Variants in COIL observed in about 807,000 individuals in gnomAD.
The protein encoded by COIL is coilin p80.
In COIL, 28 loss-of-function variants were observed where a neutral mutation model predicts 51.6. The observed-to-expected ratio is 0.54, with a 90% CI of 0.40 to 0.74. COIL has a LOEUF of 0.74. Ranked by LOEUF, COIL falls within the 30% of genes least tolerant of loss-of-function variation. The pLI, the probability that COIL is intolerant of heterozygous loss-of-function variation, is 0.00. For missense variants in COIL, 667 were observed against 685.9 expected, an observed-to-expected ratio of 0.97 and a Z score of 0.31; for synonymous variants, 233 against 255.8, an observed-to-expected ratio of 0.91 and a Z score of 0.85.
intron 5 of COIL, among the ~76,000 whole-genome samples, chr17:56,944,138 T>G (rs978189745): frequency 4.6e-5 from 7 of 152,110 alleles, no homozygotes; most frequent in Non-Finnish European, 7.4e-5. Flanking sequence ...AGCCATTTCT[T>G]GATGCCCTAA....
chr17:56,955,570 T>C (rs2062026415), intron 1 of COIL, among the ~76,000 whole-genome samples: 1 of 152,228 alleles, frequency 6.6e-6, no homozygotes, highest in Non-Finnish European at 1.5e-5. Context: ...TCTGCCACTG[T>C]AATTTTTTTT....
In COIL at chr17:56,938,682, A is replaced by C. The variant is rs1192133979; in HGVS notation, c.*389T>G. On this transcript the variant is annotated 3_prime_UTR_variant, in exon 7 of 7. Transcript: ENST00000240316. Reference sequence around the variant, plus strand: ...AAAATTAGGTCAAATAACATGCTTTAATATTTTTAAATGTTACTTAAAACT... The same window carrying C: ...AAAATTAGGTCAAATAACATGCTTTCATATTTTTAAATGTTACTTAAAACT... 6.5e-6 allele frequency: 1 copy of C among 154,182 alleles called. No homozygotes were observed. The highest frequency in any genetic ancestry group is 1.4e-5 in the Non-Finnish European group (1 of 69,424). 9.6% of individuals were successfully genotyped at this position (154,182 alleles called of 1,614,324 possible).
Position 56,950,329 on chromosome 17 carries a change from TG to T in COIL, c.912del (p.Ser305AlafsTer24). 1 of 1,614,226 alleles carries T rather than the reference TG, an allele frequency of 6.2e-7. No individual in the cohort carries two copies. Among genetic ancestry groups the T allele is most frequent in the African/African-American group, 1.3e-5 (1 of 75,070 alleles). On this transcript the variant is annotated frameshift_variant, in exon 2 of 7. Transcript: ENST00000240316. LOFTEE classifies it high-confidence loss of function. ...LAIKLGFSLT[P>X]SKGKTSGTTS... is the part of the protein sequence containing the mutation. ...GTTGTTCCAGAGGTCTTGCCCTTGC[TG>T]GGGGTAAGGCTAAAGCCAAGTTTTA...
At position 56,960,784 on chromosome 17, in the gene COIL, T is replaced by G. The variant is rs1266246188; in HGVS notation, c.236A>C (p.Asp79Ala). The G allele has an allele frequency of 5.1e-6, 8 of 1,574,308 alleles. No homozygotes were observed. The highest frequency in any genetic ancestry group is 1.4e-5 in the African/African-American group (1 of 73,430). ...AESARLVRDNDCLRVKLEERG... is the reference protein window; with the variant it reads ...AESARLVRDNACLRVKLEERG... ...TCCCTGCGCCGCGCACCTGAGGCAGTCGTTGTCTCTCACAAGGCGCGCGCT... is the reference window on the plus strand; with the variant it reads ...TCCCTGCGCCGCGCACCTGAGGCAGGCGTTGTCTCTCACAAGGCGCGCGCT... Residue 79 changes from aspartate (D) to alanine (A), a missense_variant, in exon 1 of 7, where the codon GAC (aspartate) becomes GCC (alanine). Physicochemically the swap from Asp to Ala is moderately radical, Grantham distance 126 (BLOSUM62 -2). Transcript: ENST00000240316.
intron 6 of COIL, chr17:56,939,877 C>T (rs1356662886): frequency 6.6e-6 from 1 of 152,058 alleles, no homozygotes; most frequent in African/African-American, 2.4e-5. Context: ...CCCCCAACCC[C>T]TGCATTTGAT....
At chr17:56,952,405 C>T (rs191380253) in intron 1 of COIL, 99 of 394,424 alleles carry the variant, frequency 2.5e-4, no homozygotes, top group African/African-American at 1.9e-3. Flanking sequence ...CTTTTTATAA[C>T]GATGTAATAC....
chr17:56,941,744 C>T (rs2240215), intron 6 of COIL, among the ~76,000 whole-genome samples: 62,032 of 152,074 alleles, frequency 0.41, 16,023 homozygotes, highest in African/African-American at 0.74. Context: ...CTTCTCTGAA[C>T]GTGTATGCCA....
At chr17:56,948,784 C>A (rs7212722) in intron 4 of COIL, among the ~76,000 whole-genome samples, 128,505 of 147,444 alleles carry the variant, frequency 0.87, 56,354 homozygotes, top group East Asian at 1. Context: ...CCTGTGGTTA[C>A]CTGATAATGC....
chr17:56,949,557 C>T (rs928441214), intron 3 of COIL, 123 bp from the exon 4 acceptor site: 16 of 1,352,016 alleles, frequency 1.2e-5, no homozygotes, highest in Admixed American at 1.8e-5. Flanking sequence ...TACCAGGAAC[C>T]CGTAACAACA....
intron 1 of COIL, among the ~76,000 whole-genome samples, chr17:56,959,582 C>T (rs1460685472): frequency 6.6e-6 from 1 of 152,142 alleles, no homozygotes; most frequent in African/African-American, 2.4e-5. Flanking sequence ...TTGAGAGAAT[C>T]CCAAAATGTC....
Position 56,949,418 on chromosome 17 carries a change from G to C in COIL, c.1457C>G (p.Ser486Cys). 6 of 1,602,346 alleles carry C rather than the reference G, an allele frequency of 3.7e-6. No homozygotes were observed. The highest frequency in any genetic ancestry group is 5.1e-6 in the Non-Finnish European group (6 of 1,177,624). ...GTCAGAGACATCAGGAGAGTAACTGGATGTTAGCTCCAAAAGCTAAAAAAG... is the reference window on the plus strand; with the variant it reads ...GTCAGAGACATCAGGAGAGTAACTGCATGTTAGCTCCAAAAGCTAAAAAAG... ...KIAFKLLELT[S>C]SYSPDVSDYK... is the part of the protein sequence containing the mutation. The change falls in exon 4 of 7, where the codon TCC becomes TGC. Residue 486 changes from serine to cysteine, a missense_variant. Coordinates refer to ENST00000240316, the MANE Select transcript of COIL (RefSeq NM_004645.3).
At chr17:56,948,284 G>A (rs953987536) in intron 4 of COIL, among the ~76,000 whole-genome samples, 1 of 151,588 alleles carries the variant, frequency 6.6e-6, no homozygotes, top group Non-Finnish European at 1.5e-5. Flanking sequence ...ACAGGCACCC[G>A]CCACCATGCC....
At position 56,950,625 on chromosome 17, in the gene COIL, T is replaced by C. The variant is rs1347470513; in HGVS notation, c.617A>G (p.Gln206Arg). 6.2e-7 allele frequency: 1 copy of C among 1,613,496 alleles called. No individual in the cohort carries two copies. Among genetic ancestry groups the C allele is most frequent in the Non-Finnish European group, 8.5e-7 (1 of 1,179,896 alleles). ...CTGATTGGCCCAGTCTTTCACTGCC[T>C]GTACTTTCGGAGACTTGGGATTCTT... ...KAKNPKSPKV[Q>R]AVKDWANQRC... The change falls in exon 2 of 7, where the codon CAG becomes CGG. Residue 206 changes from glutamine to arginine, a missense_variant. Coordinates refer to ENST00000240316, the MANE Select transcript of COIL (RefSeq NM_004645.3).
chr17:56,953,410 C>CAAA lies in COIL; in HGVS notation c.246-2417_246-2415dup, dbSNP rs11382949. Among the ~76,000 whole-genome samples, 172 of 84,380 alleles carry CAAA rather than the reference C, an allele frequency of 2.0e-3. 3 individuals are homozygous for CAAA. Among genetic ancestry groups the CAAA allele is most frequent in the East Asian group, 8.0e-3 (21 of 2,632 alleles). 55.4% of individuals were successfully genotyped at this position (84,380 alleles called of 152,430 possible). A position where few individuals can be genotyped will look rare whatever the true frequency, so the allele number is the denominator to read the frequency against. ...TGGGCAACAGAGCAAGACTCCGTCTCAAAAAAAAAAAAAAAAAAAAATACA... is the reference window on the plus strand; with the variant it reads ...TGGGCAACAGAGCAAGACTCCGTCTCAAAAAAAAAAAAAAAAAAAAAAAATACA... On this transcript the variant is annotated intron_variant, in intron 1 of 6. Coordinates refer to ENST00000240316, the MANE Select transcript of COIL (RefSeq NM_004645.3).
In COIL at chr17:56,950,223, A is replaced by T. The variant is rs760017532; in HGVS notation, c.1019T>A (p.Phe340Tyr). Residue 340 changes from phenylalanine (F) to tyrosine (Y), a missense_variant, in exon 2 of 7, where the codon TTC becomes TAC. By Grantham distance (22) the Phe-to-Tyr change is conservative. Transcript: ENST00000240316. ...TGCAAAAAGGCCTACTGTCTTTAAG[A>T]AACCCGCAGCACACTCCGGGGTGCT... is the stretch of plus-strand genomic sequence containing the variant. Reference protein sequence around the residue: ...SSSTPECAAGFLKTVGLFAGR... With the variant: ...SSSTPECAAGYLKTVGLFAGR... The T allele has an allele frequency of 5.0e-6, 8 of 1,614,162 alleles. No homozygotes were observed. The East Asian group carries it at 1.8e-4, about 36-fold the overall frequency.
chr17:56,958,880 G>C (rs1277513776), intron 1 of COIL, among the ~76,000 whole-genome samples: 2 of 152,164 alleles, frequency 1.3e-5, no homozygotes, highest in African/African-American at 2.4e-5. Flanking sequence ...ATAATATCCT[G>C]ATTTAAAGAT....
At chr17:56,940,134 C>T (rs1910117668) in intron 6 of COIL, 2 of 151,994 alleles carry the variant, frequency 1.3e-5, no homozygotes, top group Admixed American at 6.6e-5. Flanking sequence ...TAGGGTATCA[C>T]GTCTATAGTC....
intron 1 of COIL, among the ~76,000 whole-genome samples, chr17:56,952,815 G>C (rs1045693081): frequency 1.3e-5 from 2 of 152,024 alleles, no homozygotes; most frequent in African/African-American, 4.8e-5. Context: ...GTGTGTGTGT[G>C]TCTTACTGGT....
At position 56,950,794 on chromosome 17, in the gene COIL, G is replaced by T. The variant is rs749632313; in HGVS notation, c.448C>A (p.Pro150Thr). ...ACAGTCTGATCTGTGACAGCTTTTG[G>T]TTCCAGATCCAAGACCTTCTCATTA... The part of the protein sequence containing the change: ...NNNEKVLDLE[P>T]KAVTDQTVSK... The change falls in exon 2 of 7, where the codon CCA becomes ACA. Residue 150 changes from proline to threonine, a missense_variant. Pro to Thr is a conservative substitution (Grantham distance 38). Coordinates refer to ENST00000240316, the MANE Select transcript of COIL (RefSeq NM_004645.3). The T allele has an allele frequency of 1.5e-5, 25 of 1,613,632 alleles. No individual in the cohort carries two copies. In the South Asian group the frequency reaches 2.5e-4, roughly 16 times the overall value.
Sources: gnomAD v4.1 joint callset for allele counts (sites outside exome capture counted in the v4.1 genomes callset) on GRCh38, gnomAD v4.1.1 for gene constraint, MANE v1.5 for transcripts, NCBI Gene and HGNC (gene_info 2026-07-23, HGNC 2026-07-21) for gene names.